The following NLGN1 variants were observed in gnomAD, a reference collection of about 807,000 sequenced individuals.
The protein encoded by NLGN1 is neuroligin 1.
Under a neutral mutation model 65.5 loss-of-function variants are expected in NLGN1, and 12 were observed. The ratio of observed to expected loss-of-function variants is 0.18; its 90% CI spans 0.12 to 0.30. The LOEUF (loss-of-function observed/expected upper bound fraction) is 0.30, where lower values mean the gene tolerates loss of function less well. NLGN1 is among the 10% of genes least tolerant of loss of function. The pLI, the probability that NLGN1 is intolerant of heterozygous loss-of-function variation, is 1.00. For missense variants in NLGN1, 750 were observed against 1,007.1 expected (o/e 0.74, Z 3.46); for synonymous variants, 350 against 359.5 (o/e 0.97, Z 0.30).
intron 2 of NLGN1, among the ~76,000 whole-genome samples, chr3:173,527,067 A>G (rs1358598797): frequency 3.3e-5 from 5 of 152,208 alleles, no homozygotes; most frequent in South Asian, 4.1e-4. Context: ...GGGAATGCAG[A>G]TATCTGTTGG....
chr3:174,180,125 G>A (rs760897052), intron 4 of NLGN1, among the ~76,000 whole-genome samples: 22 of 152,184 alleles, frequency 1.4e-4, no homozygotes, highest in South Asian at 8.3e-4. Flanking sequence ...CTAAGGAGGC[G>A]AAAGAGTCAC....
At chr3:174,235,248 C>G (rs1345546270) in intron 4 of NLGN1, among the ~76,000 whole-genome samples, 2 of 152,082 alleles carry the variant, frequency 1.3e-5, no homozygotes, top group Non-Finnish European at 2.9e-5. Context: ...TAAGAATTAT[C>G]TACCTCCTTA....
At chr3:173,874,886 AT>A (rs1731830068) in intron 4 of NLGN1, among the ~76,000 whole-genome samples, 2 of 152,314 alleles carry the variant, frequency 1.3e-5, no homozygotes, top group African/African-American at 4.8e-5. Flanking sequence ...GTAATCTGAC[AT>A]TAGGGGTAGA....
At chr3:174,288,598 CA>C (rs2088561267), downstream of NLGN1, among the ~76,000 whole-genome samples, 1 of 151,128 alleles carries the variant, frequency 6.6e-6, no homozygotes, top group Non-Finnish European at 1.5e-5. Flanking sequence ...CTCCTGAAAG[CA>C]AAAAATCCCA....
chr3:173,403,624 T>G (rs1718114737), intron 1 of NLGN1, among the ~76,000 whole-genome samples: 1 of 152,174 alleles, frequency 6.6e-6, no homozygotes, highest in African/African-American at 2.4e-5. Context: ...AAGGAAAGCT[T>G]TATTTTCATT....
chr3:173,625,820 A>G (rs776910330), intron 3 of NLGN1, among the ~76,000 whole-genome samples: 11 of 152,100 alleles, frequency 7.2e-5, no homozygotes, highest in Non-Finnish European at 1.5e-4. Flanking sequence ...AAATCAATTG[A>G]CTTTTTATTT....
chr3:173,997,240 A>G (rs958028846), intron 4 of NLGN1, among the ~76,000 whole-genome samples: 2 of 152,094 alleles, frequency 1.3e-5, no homozygotes, highest in African/African-American at 4.8e-5. Flanking sequence ...ACTTCAGTAC[A>G]CTTTTGTGCA....
At chr3:174,020,346 A>C (rs1489371733) in intron 4 of NLGN1, among the ~76,000 whole-genome samples, 1 of 152,044 alleles carries the variant, frequency 6.6e-6, no homozygotes, top group Non-Finnish European at 1.5e-5. Flanking sequence ...TGGAAAGACA[A>C]GTCTTTTTTT....
intron 4 of NLGN1, among the ~76,000 whole-genome samples, chr3:174,017,059 G>A (rs1726715610): frequency 6.6e-6 from 1 of 152,136 alleles, no homozygotes; most frequent in Non-Finnish European, 1.5e-5. Flanking sequence ...TGTGATCATA[G>A]TACACAGAGT....
intron 4 of NLGN1, among the ~76,000 whole-genome samples, chr3:174,201,996 A>G (rs1420506834): frequency 6.6e-6 from 1 of 151,278 alleles, no homozygotes; most frequent in Admixed American, 6.6e-5. Flanking sequence ...TCTTTTTCTT[A>G]TGCTTTCCTC....
chr3:174,267,475 T>G (rs1383093888), intron 4 of NLGN1, among the ~76,000 whole-genome samples: 2 of 152,148 alleles, frequency 1.3e-5, no homozygotes, highest in Non-Finnish European at 2.9e-5. Context: ...CTGGCTGTCT[T>G]TTTACCACAC....
At chr3:173,916,584 A>T in intron 4 of NLGN1, among the ~76,000 whole-genome samples, 1 of 152,166 alleles carries the variant, frequency 6.6e-6, no homozygotes, top group East Asian at 1.9e-4. Flanking sequence ...TCCAGATAGC[A>T]ATTTCAGTAG....
At chr3:174,021,027 A>C (rs67569393) in intron 4 of NLGN1, among the ~76,000 whole-genome samples, 26,409 of 151,874 alleles carry the variant, frequency 0.17, 2,529 homozygotes, top group East Asian at 0.34. Context: ...CACTGAGTAT[A>C]TCTCTTTACT....
chr3:173,833,070 A>G (rs2150609093), intron 4 of NLGN1, among the ~76,000 whole-genome samples: 1 of 152,178 alleles, frequency 6.6e-6, no homozygotes, highest in Non-Finnish European at 1.5e-5. Flanking sequence ...TCTTTCTTGC[A>G]CATTACATTT....
rs149873787 is a variant in NLGN1, at chr3:173,415,890, A to AATATATATATATATATAT, written c.-390+17418_-390+17419insTATATATATATATATATA. ...TACCTGTGGAACATTGCAAGGAGTA[A>AATATATATATATATATAT]ATATATATATATATAGAGAGAGAGA... On this transcript the variant is annotated intron_variant, in intron 1 of 6. Coordinates refer to ENST00000457714, the Ensembl canonical transcript of NLGN1. Among the ~76,000 whole-genome samples, 265 of 134,724 alleles carry AATATATATATATATATAT rather than the reference A, an allele frequency of 2.0e-3. 1 individual carries two copies. Among genetic ancestry groups the AATATATATATATATATAT allele is most frequent in the African/African-American group, 7.2e-3 (224 of 31,186 alleles). 88.4% of individuals were successfully genotyped at this position (134,724 alleles called of 152,430 possible). A position where few individuals can be genotyped will look rare whatever the true frequency, so the allele number is the denominator to read the frequency against.
At chr3:174,262,254 G>A (rs1433441662) in intron 4 of NLGN1, among the ~76,000 whole-genome samples, 1 of 98,740 alleles carries the variant, frequency 1.0e-5, no homozygotes, top group African/African-American at 4.9e-5. Context: ...AGTTTCAGAA[G>A]GAATGGTACC....
chr3:173,605,496 G>C (rs964409550), intron 3 of NLGN1, 38 bp from the exon 3 acceptor site: 9 of 1,122,622 alleles, frequency 8.0e-6, no homozygotes, highest in Non-Finnish European at 1.1e-5. Context: ...CTATGATGGA[G>C]CGCCATGTTA....
At chr3:174,034,527 A>G (rs974913042) in intron 4 of NLGN1, among the ~76,000 whole-genome samples, 4 of 152,116 alleles carry the variant, frequency 2.6e-5, no homozygotes, top group African/African-American at 4.8e-5. Flanking sequence ...AATGACAGCA[A>G]TGTCACAAGG....
chr3:174,114,576 C>A (rs547668871), intron 4 of NLGN1, among the ~76,000 whole-genome samples: 1 of 152,212 alleles, frequency 6.6e-6, no homozygotes, highest in African/African-American at 2.4e-5. Context: ...TCAAATACAA[C>A]AAAAAGGTAG....
Sources: gnomAD v4.1 joint callset for allele counts (sites outside exome capture counted in the v4.1 genomes callset) on GRCh38, gnomAD v4.1.1 for gene constraint, MANE v1.5 for transcripts, NCBI Gene and HGNC (gene_info 2026-07-23, HGNC 2026-07-21) for gene names.